Variants in NKAIN3 observed in about 807,000 individuals in gnomAD.
The protein encoded by NKAIN3 is sodium/potassium transporting ATPase interacting 3, also known as sodium/potassium-transporting ATPase subunit beta-1-interacting protein 3.
A neutral mutation model predicts 30.2 loss-of-function variants in NKAIN3; 25 were observed. That is an observed-to-expected ratio of 0.83 (90% confidence interval 0.60 to 1.16). NKAIN3 has a LOEUF of 1.16. Ranked by LOEUF, NKAIN3 falls within the 50% of genes most tolerant of loss-of-function variation. NKAIN3 has a pLI of 0.00. For synonymous variants in NKAIN3, 91 were observed against 89.6 expected, an observed-to-expected ratio of 1.02 and a Z score of -0.09; for missense variants, 225 against 254.1, an observed-to-expected ratio of 0.89 and a Z score of 0.78.
chr8:62,707,056 T>TACACACACACAC (rs35879987), intron 3 of NKAIN3, among the ~76,000 whole-genome samples: 15 of 143,310 alleles, frequency 1.0e-4, no homozygotes, highest in African/African-American at 3.9e-4. Context: ...CATACATACA[T>TACACACACACAC]ACACACACAC....
intron 5 of NKAIN3, among the ~76,000 whole-genome samples, chr8:62,940,306 C>A (rs1486609481): frequency 6.6e-6 from 1 of 151,976 alleles, no homozygotes; most frequent in African/African-American, 2.4e-5. Context: ...TAGGCAGCAA[C>A]ACAATAATGG....
intron 4 of NKAIN3, among the ~76,000 whole-genome samples, chr8:62,789,699 C>G (rs977330367): frequency 9.2e-5 from 14 of 152,080 alleles, no homozygotes; most frequent in African/African-American, 3.1e-4. Flanking sequence ...CACAAATAAA[C>G]TAGAAAATTT....
intron 4 of NKAIN3, among the ~76,000 whole-genome samples, chr8:62,753,242 G>A (rs993286009): frequency 1.4e-5 from 2 of 148,130 alleles, no homozygotes; most frequent in Non-Finnish European, 3.0e-5. Flanking sequence ...ACGCACGCAC[G>A]CACAGTATAG....
chr8:62,822,437 C>T (rs1419585019), intron 4 of NKAIN3, among the ~76,000 whole-genome samples: 1 of 152,134 alleles, frequency 6.6e-6, no homozygotes, highest in African/African-American at 2.4e-5. Flanking sequence ...ATGTACATAA[C>T]ATACATGCTG....
rs368358970 is a variant in NKAIN3 at position 62,622,040 on chromosome 8, C to T, written c.273+32246C>T. ...GCATTTCAAGAATGTTATAGAAATGCAATTTTATAGCATATAGCCTTTAGG... is the reference window on the plus strand; with the variant it reads ...GCATTTCAAGAATGTTATAGAAATGTAATTTTATAGCATATAGCCTTTAGG... On this transcript the variant is annotated intron_variant, in intron 3 of 6. Transcript: ENST00000623646. 4.6e-5 allele frequency among the ~76,000 whole-genome samples: 7 copies of T among 152,088 alleles called. No homozygotes were observed. The East Asian group carries it at 1.2e-3, about 25-fold the overall frequency.
intron 1 of NKAIN3, among the ~76,000 whole-genome samples, chr8:62,313,472 G>A (rs1254926716): frequency 6.6e-6 from 1 of 152,104 alleles, no homozygotes; most frequent in East Asian, 1.9e-4. Flanking sequence ...ATGTATTGAT[G>A]TACAACTGGC....
intron 1 of NKAIN3, among the ~76,000 whole-genome samples, chr8:62,333,838 A>G (rs1416968079): frequency 6.6e-6 from 1 of 152,106 alleles, no homozygotes; most frequent in Non-Finnish European, 1.5e-5. Context: ...GAATAATTAC[A>G]GTTATCCATC....
intron 4 of NKAIN3, among the ~76,000 whole-genome samples, chr8:62,847,545 T>A (rs1819727572): frequency 6.6e-6 from 1 of 152,064 alleles, no homozygotes; most frequent in South Asian, 2.1e-4. Context: ...TGGTTTTCTC[T>A]TGTAAATTTA....
At chr8:62,366,235 T>C (rs1211920954) in intron 1 of NKAIN3, among the ~76,000 whole-genome samples, 1 of 151,586 alleles carries the variant, frequency 6.6e-6, no homozygotes, top group East Asian at 1.9e-4. Context: ...TTTTTTTTTT[T>C]TTTTTTATTG....
At chr8:62,699,910 G>C (rs1316522210) in intron 3 of NKAIN3, among the ~76,000 whole-genome samples, 1 of 152,148 alleles carries the variant, frequency 6.6e-6, no homozygotes, top group Non-Finnish European at 1.5e-5. Flanking sequence ...AAGGCAGGAG[G>C]ATCACTTGAG....
At chr8:62,806,290 C>A (rs201566561) in intron 4 of NKAIN3, among the ~76,000 whole-genome samples, 1 of 152,196 alleles carries the variant, frequency 6.6e-6, no homozygotes, top group South Asian at 2.1e-4. Context: ...TTGACCCAGC[C>A]ATCCCATTAC....
intron 1 of NKAIN3, among the ~76,000 whole-genome samples, chr8:62,252,526 C>G (rs1416389135): frequency 6.6e-6 from 1 of 152,174 alleles, no homozygotes; most frequent in Non-Finnish European, 1.5e-5. Context: ...CTCCACTGCT[C>G]TGGCTGTCTT....
chr8:62,807,361 T>C (rs1459642332), intron 4 of NKAIN3, among the ~76,000 whole-genome samples: 1 of 152,162 alleles, frequency 6.6e-6, no homozygotes, highest in Non-Finnish European at 1.5e-5. Flanking sequence ...TATTAATGTA[T>C]ATGGAATTAC....
At chr8:62,770,227 C>T (rs1395584269) in intron 4 of NKAIN3, among the ~76,000 whole-genome samples, 2 of 152,208 alleles carry the variant, frequency 1.3e-5, no homozygotes, top group Non-Finnish European at 2.9e-5. Context: ...CAAGAAAGAT[C>T]TGGAGAGCAC....
intron 1 of NKAIN3, among the ~76,000 whole-genome samples, chr8:62,305,357 T>A (rs1814196580): frequency 6.7e-6 from 1 of 150,356 alleles, no homozygotes; most frequent in African/African-American, 2.5e-5. Context: ...GTTAGGGAAT[T>A]CCATAACGCA....
chr8:62,953,716 T>C (rs755542714), intron 5 of NKAIN3, among the ~76,000 whole-genome samples, 186 bp from the exon 6 acceptor site: 1 of 152,220 alleles, frequency 6.6e-6, no homozygotes, highest in Non-Finnish European at 1.5e-5. Context: ...GTTATTTCTG[T>C]ATTTTTTAAA....
chr8:62,765,262 A>AAAAAG (rs1405920094), intron 4 of NKAIN3, among the ~76,000 whole-genome samples: 18 of 137,586 alleles, frequency 1.3e-4, no homozygotes, highest in East Asian at 6.2e-4. Context: ...AAAAAAAAAA[A>AAAAAG]AAAAGAAAAG....
intron 3 of NKAIN3, among the ~76,000 whole-genome samples, chr8:62,596,421 C>T (rs932926786): frequency 8.6e-5 from 13 of 151,938 alleles, no homozygotes; most frequent in African/African-American, 2.7e-4. Context: ...GTAAGACTGC[C>T]ACCTTTTTAG....
At chr8:62,290,267 T>C (rs1394725449) in intron 1 of NKAIN3, among the ~76,000 whole-genome samples, 2 of 152,202 alleles carry the variant, frequency 1.3e-5, no homozygotes, top group African/African-American at 4.8e-5. Context: ...TGGCCAGAAC[T>C]TCCAACATTA....
Sources: allele counts gnomAD v4.1 joint callset (sites outside exome capture counted in the v4.1 genomes callset), GRCh38; gene constraint gnomAD v4.1.1; transcripts MANE v1.5; gene names NCBI Gene and HGNC (gene_info 2026-07-23, HGNC 2026-07-21).